Variants in MYH8 observed in about 807,000 individuals in gnomAD.
MYH8 encodes myosin heavy chain 8, also known as myosin-8.
A neutral mutation model predicts 233.2 loss-of-function variants in MYH8; 168 were observed. The ratio of observed to expected loss-of-function variants is 0.72; its 90% CI spans 0.64 to 0.82. The LOEUF (loss-of-function observed/expected upper bound fraction) is 0.82. Ranked by LOEUF, MYH8 falls within the 40% of genes least tolerant of loss-of-function variation. The probability of loss-of-function intolerance (pLI) is 0.00; values close to 1 mark genes in which losing one functional copy is unlikely to be tolerated. For missense variants in MYH8, 1,995 were observed against 2,327.8 expected (o/e 0.86, Z 2.94); for synonymous variants, 785 against 850.6 (o/e 0.92, Z 1.34).
In MYH8 at chr17:10,400,330, A is replaced by G; in HGVS notation, c.3735+60T>C. On this transcript the variant is annotated intron_variant, in intron 27 of 39. Transcript: ENST00000403437. The surrounding 1 kb of genome is among the most constrained non-coding windows in gnomAD (Gnocchi z 4.0). ...AAATGCCTGCAAACAATGTTTAGTG[A>G]TAGAGAATAATGGGTGTTCTTACAG... The G allele has an allele frequency of 6.3e-7, 1 of 1,592,660 alleles. No individual in the cohort carries two copies. The highest frequency in any genetic ancestry group is 8.6e-7 in the Non-Finnish European group (1 of 1,169,388).
rs759652599 is a variant in MYH8, at chr17:10,418,649, C to A, written c.507G>T (p.Leu169Phe). ...SISDNAYQFM[L>F]TDRENQSILI... is the part of the protein sequence containing the mutation. ...ATAGATGCCTCACTCACTCACCAGT[C>A]AACATGAACTGATAGGCATTGTCAG... Residue 169 changes from leucine to phenylalanine, a missense_variant, in exon 5 of 40, where the codon TTG becomes TTT. Leu to Phe is a conservative substitution (Grantham distance 22). Transcript: ENST00000403437. The A allele has an allele frequency of 6.2e-7, 1 of 1,613,944 alleles. No homozygotes were observed. The highest frequency in any genetic ancestry group is 1.3e-5 in the African/African-American group (1 of 75,058).
rs369267352 is a variant in MYH8 at position 10,414,504 on chromosome 17, T to C, written c.806-20A>G. On this transcript the variant is annotated intron_variant, in intron 9 of 39. Coordinates refer to ENST00000403437, the MANE Select transcript of MYH8 (RefSeq NM_002472.3). ...AAAGATCTGGAGAGGGAAATAGATA[T>C]CGAGTTTGAAAAAAGTATCAATGCT... 8.5e-6 allele frequency: 13 copies of C among 1,524,532 alleles called. No individual in the cohort carries two copies. The highest frequency in any genetic ancestry group is 1.2e-5 in the Non-Finnish European group (13 of 1,099,748). 94.4% of individuals were successfully genotyped at this position (1,524,532 alleles called of 1,614,324 possible).
intron 12 of MYH8, among the ~76,000 whole-genome samples, chr17:10,413,544 T>C (rs2072262877): frequency 6.6e-6 from 1 of 152,356 alleles, no homozygotes; most frequent in African/African-American, 2.4e-5. Flanking sequence ...GATTCTCTGC[T>C]GTCAGTTCCT....
intron 17 of MYH8, 49 bp from the exon 18 acceptor site, chr17:10,407,028 TG>T (rs2072201159): frequency 1.4e-6 from 2 of 1,469,748 alleles, no homozygotes; most frequent in Non-Finnish European, 1.9e-6. Flanking sequence ...TATTTCAGGT[TG>T]TTTTTTGTAA....
chr17:10,413,374 C>A (rs755823463), intron 12 of MYH8, among the ~76,000 whole-genome samples: 1 of 152,152 alleles, frequency 6.6e-6, no homozygotes, highest in East Asian at 1.9e-4. Flanking sequence ...CTGTATATTG[C>A]GTGCTCTTTC....
Position 10,420,045 on chromosome 17 carries a change from T to C in MYH8, c.183A>G (p.Lys61=). ...CTCCACCTTCAGTCTTTACGGTTAC[T>C]TTCCCTCCTTCTTTGCTTTGTATAG... ...KSTIQSKEGG[K]VTVKTEGGAT... is the part of the protein sequence containing the mutation. Residue 61 remains lysine (K), a synonymous_variant, in exon 3 of 40, where the codon AAA becomes AAG. Transcript: ENST00000403437. 6.2e-7 allele frequency: 1 copy of C among 1,614,258 alleles called. No individual in the cohort carries two copies.
At chr17:10,402,122 C>A (rs1055387408) in intron 22 of MYH8, among the ~76,000 whole-genome samples, 6 of 152,050 alleles carry the variant, frequency 3.9e-5, no homozygotes, top group African/African-American at 1.4e-4. Context: ...TGACTTTGGG[C>A]AAATTGCTTT....
chr17:10,397,109 A>G, intron 30 of MYH8, 123 bp from the exon 31 acceptor site: 1 of 1,214,028 alleles, frequency 8.2e-7, no homozygotes, highest in Non-Finnish European at 1.2e-6. Context: ...TGAGAGACGG[A>G]GTCTCGCTCT....
Position 10,414,384 on chromosome 17 carries a change from A to C in MYH8, c.904+2T>G, listed in dbSNP as rs1409178563. 1 of 1,606,364 alleles carries C rather than the reference A, an allele frequency of 6.2e-7. No homozygotes were observed. Among genetic ancestry groups the C allele is most frequent in the Non-Finnish European group, 8.5e-7 (1 of 1,172,884 alleles). On this transcript the variant is annotated splice_donor_variant, in intron 10 of 39. Coordinates refer to ENST00000403437, the MANE Select transcript of MYH8 (RefSeq NM_002472.3). LOFTEE classifies it high-confidence loss of function. The stretch of plus-strand genomic sequence containing the variant: ...TATCTATGACTTTAAGTTCTTTCTT[A>C]CCAATTAGATCTGGCTTCTTATTGG...
At chr17:10,412,245 C>T (rs1202816686) in intron 14 of MYH8, 125 bp downstream of exon 14, 6 of 1,583,024 alleles carry the variant, frequency 3.8e-6, no homozygotes, top group Non-Finnish European at 4.3e-6. Flanking sequence ...TGGAGATAAC[C>T]TTTGTTCTAG....
chr17:10,409,064 G>C (rs1406479143), intron 17 of MYH8, 33 bp downstream of exon 17: 11 of 1,579,826 alleles, frequency 7.0e-6, no homozygotes, highest in African/African-American at 1.4e-5. Context: ...CATAGAAACT[G>C]AGTAGATATT....
rs150351713 is a variant in MYH8 at position 10,406,744 on chromosome 17, C to T, written c.2117G>A (p.Arg706His). Residue 706 changes from arginine to histidine, a missense_variant, in exon 19 of 40, where the codon CGC becomes CAC. By Grantham distance (29) the Arg-to-His change is conservative. Transcript: ENST00000403437. ...GCTTGGGAATCCTTTCCTACAGATG[C>T]GGATGCCTTCCAGCACACCATTACA... ...LRCNGVLEGI[R>H]ICRKGFPSRI... 1.7e-4 allele frequency: 275 copies of T among 1,614,140 alleles called. 1 individual carries two copies. The East Asian group carries it at 5.0e-3, about 29-fold the overall frequency.
intron 21 of MYH8, 139 bp downstream of exon 21, chr17:10,405,902 G>T: frequency 1.9e-6 from 2 of 1,032,336 alleles, no homozygotes; most frequent in South Asian, 2.7e-5. Flanking sequence ...CTGAAGCAAA[G>T]GCTGCTGTGT....
intron 25 of MYH8, 25 bp downstream of exon 25, chr17:10,401,021 A>G (rs771885970): frequency 4.3e-6 from 7 of 1,613,892 alleles, no homozygotes; most frequent in Admixed American, 3.3e-5. Context: ...TATCACATAG[A>G]AGTTTTTTTC....
rs985336663 is a variant in MYH8, at chr17:10,400,030, C to T, written c.3735+360G>A. On this transcript the variant is annotated intron_variant, in intron 27 of 39. Transcript: ENST00000403437. This position sits in a 1 kb window ranked among gnomAD's most constrained non-coding sequence, Gnocchi z 4.0. ...CATCCTGGCTAACACGGTGAAACCCCGTCTCTACTAAAAATACAAAAAATT... is the reference window on the plus strand; with the variant it reads ...CATCCTGGCTAACACGGTGAAACCCTGTCTCTACTAAAAATACAAAAAATT... Among the ~76,000 whole-genome samples, 17 of 152,090 alleles carry T rather than the reference C, an allele frequency of 1.1e-4. No individual in the cohort carries two copies. Among genetic ancestry groups the T allele is most frequent in the Non-Finnish European group, 1.9e-4 (13 of 68,016 alleles).
rs368912522 is a variant in MYH8, at chr17:10,395,358, G to T, written c.4737C>A (p.Ile1579=). ...NQVKSEVDRK[I]AEKDEEIDQL... ...GGTCAATTTCCTCATCCTTTTCTGCGATTTTTCTATCAACTTCAGACTTGA... is the reference window on the plus strand; with the variant it reads ...GGTCAATTTCCTCATCCTTTTCTGCTATTTTTCTATCAACTTCAGACTTGA... Residue 1579 remains isoleucine (I), a synonymous_variant, in exon 34 of 40, where the codon ATC becomes ATA. Transcript: ENST00000403437. 1 of 1,614,044 alleles carries T rather than the reference G, an allele frequency of 6.2e-7. No individual in the cohort carries two copies. The highest frequency in any genetic ancestry group is 1.3e-5 in the African/African-American group (1 of 75,004).
In MYH8 at chr17:10,415,420, C is replaced by T; in HGVS notation, c.649-36G>A. 4 of 1,613,392 alleles carry T rather than the reference C, an allele frequency of 2.5e-6. No individual in the cohort carries two copies. Among genetic ancestry groups the T allele is most frequent in the Non-Finnish European group, 3.4e-6 (4 of 1,179,356 alleles). ...AGGAGCAGTTCTCACATCTGGGACT[C>T]CAGATGTCTGAGAGCCTTGACAGAG... On this transcript the variant is annotated intron_variant, in intron 7 of 39. Transcript: ENST00000403437. The surrounding 1 kb of genome is among the most constrained non-coding windows in gnomAD (Gnocchi z 4.1).
chr17:10,407,607 A>G (rs1225770240), intron 17 of MYH8, among the ~76,000 whole-genome samples: 7 of 152,020 alleles, frequency 4.6e-5, no homozygotes, highest in African/African-American at 1.7e-4. Flanking sequence ...TTAGGAGGCC[A>G]AAGCGGGCGG....
At chr17:10,420,355 C>A in intron 2 of MYH8, 98 bp from the exon 3 acceptor site, 1 of 1,119,222 alleles carries the variant, frequency 8.9e-7, no homozygotes, top group Non-Finnish European at 1.3e-6. Context: ...ATAGCCTGTG[C>A]TGTAACTATT....
Sources: allele counts gnomAD v4.1 joint callset (sites outside exome capture counted in the v4.1 genomes callset), GRCh38; gene constraint gnomAD v4.1.1; non-coding constraint Gnocchi (gnomAD v3.1); transcripts MANE v1.5; gene names NCBI Gene and HGNC (gene_info 2026-07-23, HGNC 2026-07-21).